PARP15: variants seen among roughly 807,000 people sequenced by gnomAD.
PARP15 encodes protein mono-ADP-ribosyltransferase PARP15.
A neutral mutation model predicts 62.1 loss-of-function variants in PARP15; 50 were observed. The ratio of observed to expected loss-of-function variants is 0.81; its 90% CI spans 0.64 to 1.02. The LOEUF (loss-of-function observed/expected upper bound fraction) is 1.02, where lower values mean the gene tolerates loss of function less well. Among genes scored for constraint, PARP15 ranks in the 50% least tolerant of loss-of-function variants. The pLI, the probability that PARP15 is intolerant of heterozygous loss-of-function variation, is 0.00. For missense variants in PARP15, 820 were observed against 826.5 expected, an observed-to-expected ratio of 0.99 and a Z score of 0.10; for synonymous variants, 309 against 293.1, an observed-to-expected ratio of 1.05 and a Z score of -0.55.
chr3:122,589,128 G>A (rs1205287631), intron 1 of PARP15, among the ~76,000 whole-genome samples: 2 of 152,174 alleles, frequency 1.3e-5, no homozygotes, highest in Non-Finnish European at 2.9e-5. Flanking sequence ...TCTGGAGGCT[G>A]GAGGTTTGCG....
chr3:122,590,485 A>G (rs866587084), intron 1 of PARP15, among the ~76,000 whole-genome samples: 15 of 151,888 alleles, frequency 9.9e-5, no homozygotes, highest in South Asian at 6.2e-4. Flanking sequence ...CTTGTTAGCC[A>G]GGATGGTCTC....
intron 1 of PARP15, among the ~76,000 whole-genome samples, chr3:122,595,214 A>G (rs1179449208): frequency 1.3e-5 from 2 of 152,116 alleles, no homozygotes; most frequent in African/African-American, 2.4e-5. Flanking sequence ...CTTGACCCCA[A>G]TTTCCACATA....
intron 6 of PARP15, among the ~76,000 whole-genome samples, chr3:122,619,276 C>T (rs1036050027): frequency 2.0e-5 from 3 of 152,130 alleles, no homozygotes; most frequent in Non-Finnish European, 4.4e-5. Flanking sequence ...ATATTTTTAA[C>T]GACTCGACCC....
chr3:122,622,089 G>A (rs764773312), intron 8 of PARP15, among the ~76,000 whole-genome samples: 2 of 152,206 alleles, frequency 1.3e-5, no homozygotes, highest in Non-Finnish European at 2.9e-5. Flanking sequence ...ATGGGCCACT[G>A]TGCCCACCCC....
intron 10 of PARP15, among the ~76,000 whole-genome samples, chr3:122,634,324 A>G (rs181333601): frequency 2.0e-4 from 30 of 152,158 alleles, no homozygotes; most frequent in African/African-American, 6.5e-4. Flanking sequence ...CCATGCCATT[A>G]GACTGAATGT....
intron 1 of PARP15, among the ~76,000 whole-genome samples, chr3:122,592,463 A>G (rs1559932521): frequency 6.6e-6 from 1 of 152,162 alleles, no homozygotes; most frequent in Non-Finnish European, 1.5e-5. Flanking sequence ...GGAAGGGAGA[A>G]CATTAGGAAA....
At chr3:122,631,304 A>T (rs1376919441) in intron 9 of PARP15, among the ~76,000 whole-genome samples, 2 of 152,234 alleles carry the variant, frequency 1.3e-5, no homozygotes, top group Non-Finnish European at 1.5e-5. Context: ...TCCCTGTGTC[A>T]CGAGAACTTA....
chr3:122,615,380 C>A, intron 4 of PARP15: 1 of 1,296,360 alleles, frequency 7.7e-7, no homozygotes, highest in Non-Finnish European at 1.0e-6. Context: ...TGCCAAGGAA[C>A]GTTGTTGCCC....
intron 1 of PARP15, among the ~76,000 whole-genome samples, chr3:122,593,681 T>C (rs1323135570): frequency 6.6e-6 from 1 of 152,200 alleles, no homozygotes; most frequent in African/African-American, 2.4e-5. Context: ...AACACATTTG[T>C]TTTCTCTAGT....
chr3:122,592,899 G>T (rs567517958), intron 1 of PARP15, among the ~76,000 whole-genome samples: 1 of 152,224 alleles, frequency 6.6e-6, no homozygotes, highest in Admixed American at 6.5e-5. Flanking sequence ...GCTACAGCAA[G>T]AATTCAAAAT....
intron 8 of PARP15, among the ~76,000 whole-genome samples, chr3:122,623,919 G>A (rs1936517447): frequency 6.6e-6 from 1 of 152,080 alleles, no homozygotes; most frequent in African/African-American, 2.4e-5. Flanking sequence ...TGAGGCGGGT[G>A]GATCACTTGA....
chr3:122,631,183 G>A (rs1171869337), intron 9 of PARP15, among the ~76,000 whole-genome samples: 1 of 152,224 alleles, frequency 6.6e-6, no homozygotes, highest in African/African-American at 2.4e-5. Flanking sequence ...TGGACAGTGG[G>A]GAAAGGAAGG....
intron 8 of PARP15, 38 bp from the exon 9 acceptor site, chr3:122,626,789 T>C: frequency 6.3e-7 from 1 of 1,580,304 alleles, no homozygotes. Context: ...ATTAGCAACA[T>C]CGGGGGAAAC....
At chr3:122,607,218 G>A (rs1204703790) in intron 2 of PARP15, among the ~76,000 whole-genome samples, 3 of 152,220 alleles carry the variant, frequency 2.0e-5, no homozygotes, top group Non-Finnish European at 2.9e-5. Context: ...CTCTGCAACC[G>A]AGTATTATGA....
intron 1 of PARP15, among the ~76,000 whole-genome samples, chr3:122,597,519 C>T (rs1934450858): frequency 6.6e-6 from 1 of 152,136 alleles, no homozygotes; most frequent in African/African-American, 2.4e-5. Flanking sequence ...GCCTTGGCCT[C>T]CCAAAGTGCT....
At chr3:122,621,417 T>C (rs750452621) in intron 7 of PARP15, 27 bp from the exon 8 acceptor site, 1 of 1,583,990 alleles carries the variant, frequency 6.3e-7, no homozygotes, top group Non-Finnish European at 8.6e-7. Context: ...ATGGGCTGCA[T>C]GTTTGTTTTT....
chr3:122,607,458 GGTT>G (rs964462185), intron 2 of PARP15, among the ~76,000 whole-genome samples: 1 of 152,094 alleles, frequency 6.6e-6, no homozygotes, highest in African/African-American at 2.4e-5. Flanking sequence ...GTGATATGAA[GGTT>G]GTTATGAGGC....
rs1935579335 is a variant in PARP15 at position 122,611,721 on chromosome 3, A to G, written c.543+991A>G. On this transcript the variant is annotated intron_variant, in intron 3 of 11. Coordinates refer to ENST00000464300, the MANE Select transcript of PARP15 (RefSeq NM_001113523.3). ...TTTATGCATATTTATTTATTTATTT[A>G]TTTATTTTTTGAGATGGAGTTTTGC... Among the ~76,000 whole-genome samples, 3 of 149,126 alleles carry G rather than the reference A, an allele frequency of 2.0e-5. 1 individual carries two copies. The South Asian group carries it at 6.4e-4, about 32-fold the overall frequency.
chr3:122,608,768 C>CTT (rs200651765), intron 2 of PARP15, among the ~76,000 whole-genome samples: 9,512 of 137,110 alleles, frequency 0.069, 863 homozygotes, highest in African/African-American at 0.2. Context: ...AACAAGGTTA[C>CTT]TTTTTTTTTT....
Sources: allele counts gnomAD v4.1 joint callset (sites outside exome capture counted in the v4.1 genomes callset), GRCh38; gene constraint gnomAD v4.1.1; transcripts MANE v1.5; gene names NCBI Gene and HGNC (gene_info 2026-07-23, HGNC 2026-07-21).